Variants in LINGO2 observed in about 807,000 individuals in gnomAD.
LINGO2 encodes leucine rich repeat and Ig domain containing 2.
LINGO2 carries 14 observed loss-of-function variants against 30.6 expected under a neutral mutation model. The observed-to-expected ratio is 0.46, with a 90% CI of 0.30 to 0.72. The LOEUF (loss-of-function observed/expected upper bound fraction) is 0.72, where lower values mean the gene tolerates loss of function less well. LINGO2 is among the 30% of genes least tolerant of loss of function. The pLI is 0.07. For synonymous variants in LINGO2, 317 were observed against 288.5 expected (o/e 1.10, Z -1.00); for missense variants, 729 against 751.7 (o/e 0.97, Z 0.35).
chr9:28,393,158 A>T (rs1821903837), intron 2 of LINGO2, among the ~76,000 whole-genome samples: 2 of 152,354 alleles, frequency 1.3e-5, no homozygotes, highest in South Asian at 4.1e-4. Context: ...TTCTTTTAAT[A>T]GGTAATTCTT....
chr9:28,402,219 ATAACT>A (rs5897294), intron 2 of LINGO2, among the ~76,000 whole-genome samples: 89,421 of 151,264 alleles, frequency 0.59, 26,647 homozygotes, highest in South Asian at 0.66. Flanking sequence ...AGAAAAAACA[ATAACT>A]TAGGATAGGC....
intron 4 of LINGO2, among the ~76,000 whole-genome samples, chr9:28,052,106 A>C (rs1454792182): frequency 6.6e-6 from 1 of 152,096 alleles, no homozygotes; most frequent in East Asian, 1.9e-4. Flanking sequence ...TGGGCCCAGT[A>C]AGTGGTTTCA....
chr9:28,540,317 T>TGGCACAATTACAGC (rs1821631238), intron 1 of LINGO2, among the ~76,000 whole-genome samples: 2 of 151,796 alleles, frequency 1.3e-5, no homozygotes, highest in African/African-American at 4.8e-5. Flanking sequence ...TGGAATACAG[T>TGGCACAATTACAGC]GGCACAATTA....
At chr9:28,208,875 C>CCTT (rs1425922781) in intron 4 of LINGO2, among the ~76,000 whole-genome samples, 1 of 151,956 alleles carries the variant, frequency 6.6e-6, no homozygotes, top group African/African-American at 2.4e-5. Context: ...TCTGCTAAGT[C>CCTT]CTTAGCACTT....
intron 3 of LINGO2, among the ~76,000 whole-genome samples, chr9:28,312,679 CAG>C (rs1260528096): frequency 6.6e-5 from 10 of 152,120 alleles, no homozygotes; most frequent in Non-Finnish European, 1.5e-4. Flanking sequence ...TTATACAAGA[CAG>C]AGTGCAATTA....
At chr9:27,968,199 A>G (rs934736061) in intron 5 of LINGO2, among the ~76,000 whole-genome samples, 16 of 152,288 alleles carry the variant, frequency 1.1e-4, no homozygotes, top group African/African-American at 3.6e-4. Flanking sequence ...AACTCTGTCC[A>G]GTAAACAAAT....
chr9:29,198,153 G>C, the LINGO2 span, among the ~76,000 whole-genome samples: 25,818 of 151,954 alleles, frequency 0.17, 2,319 homozygotes, highest in East Asian at 0.38. Context: ...TAGTCCTCTG[G>C]AACAATGGTC....
At chr9:27,949,856 C>A (rs1220736151) in exon 6 of LINGO2, 1 of 1,613,814 alleles carries the variant, frequency 6.2e-7, no homozygotes, top group Non-Finnish European at 8.5e-7. Context: ...TCAGGTATAC[C>A]AGGTGTTTAA....
chr9:28,811,170 A>C, the LINGO2 span, among the ~76,000 whole-genome samples: 1 of 152,230 alleles, frequency 6.6e-6, no homozygotes, highest in Non-Finnish European at 1.5e-5. Context: ...CCAATAATAT[A>C]GAGTTTTTCT....
At chr9:28,303,765 T>G (rs1033910201) in intron 3 of LINGO2, among the ~76,000 whole-genome samples, 1 of 152,154 alleles carries the variant, frequency 6.6e-6, no homozygotes, top group East Asian at 1.9e-4. Flanking sequence ...CTTCATTGTC[T>G]TCATGTTGAG....
chr9:28,701,886 G>C, the LINGO2 span, among the ~76,000 whole-genome samples: 1 of 151,490 alleles, frequency 6.6e-6, no homozygotes, highest in Non-Finnish European at 1.5e-5. Flanking sequence ...TTTCATTTTT[G>C]GGGTGCTAGT....
At chr9:28,160,940 T>C (rs1828268770) in intron 4 of LINGO2, among the ~76,000 whole-genome samples, 1 of 152,120 alleles carries the variant, frequency 6.6e-6, no homozygotes, top group Admixed American at 6.6e-5. Flanking sequence ...ACACCCATGC[T>C]CCTGAACAGT....
intron 4 of LINGO2, among the ~76,000 whole-genome samples, 158 bp downstream of exon 6, chr9:28,295,050 T>C (rs1823873344): frequency 1.3e-5 from 2 of 152,184 alleles, no homozygotes; most frequent in Non-Finnish European, 2.9e-5. Context: ...TATTACTATA[T>C]GCATTCTCCT....
chr9:28,350,876 G>A (rs945105393), intron 3 of LINGO2, among the ~76,000 whole-genome samples: 7 of 151,956 alleles, frequency 4.6e-5, no homozygotes, highest in Non-Finnish European at 1.0e-4. Flanking sequence ...CATGGAAACT[G>A]AACAACCTGC....
chr9:28,240,990 G>A (rs189576980), intron 4 of LINGO2, among the ~76,000 whole-genome samples: 2 of 152,044 alleles, frequency 1.3e-5, no homozygotes, highest in African/African-American at 4.8e-5. Flanking sequence ...AAAAAATCTG[G>A]TCGGGCACAG....
chr9:28,878,417 G>A, the LINGO2 span, among the ~76,000 whole-genome samples: 3 of 152,084 alleles, frequency 2.0e-5, no homozygotes, highest in Non-Finnish European at 4.4e-5. Flanking sequence ...GTACAAGGAG[G>A]AAGAGGTACC....
chr9:28,889,997 A>G, the LINGO2 span, among the ~76,000 whole-genome samples: 1 of 152,108 alleles, frequency 6.6e-6, no homozygotes, highest in Non-Finnish European at 1.5e-5. Context: ...GCCTGTTCAC[A>G]CACAGGGTCT....
chr9:28,920,725 TACAC>T, the LINGO2 span, among the ~76,000 whole-genome samples: 4 of 150,856 alleles, frequency 2.7e-5, no homozygotes, highest in African/African-American at 4.9e-5. Flanking sequence ...TATATCCAGA[TACAC>T]ACACACACAC....
At chr9:28,919,443 C>T in the LINGO2 span, among the ~76,000 whole-genome samples, 1 of 152,106 alleles carries the variant, frequency 6.6e-6, no homozygotes, top group Non-Finnish European at 1.5e-5. Context: ...TATAACATAG[C>T]ATGAAATCTG....
Sources: gnomAD v4.1 joint callset for allele counts (sites outside exome capture counted in the v4.1 genomes callset) on GRCh38, gnomAD v4.1.1 for gene constraint, MANE v1.5 for transcripts, NCBI Gene and HGNC (gene_info 2026-07-23, HGNC 2026-07-21) for gene names.